The following NUP214 variants were observed in gnomAD, a reference collection of about 807,000 sequenced individuals.
NUP214 encodes the protein nucleoporin 214, also known as nuclear pore complex protein Nup214.
A neutral mutation model predicts 196.2 loss-of-function variants in NUP214; 79 were observed. The ratio of observed to expected loss-of-function variants is 0.40; its 90% CI spans 0.34 to 0.49. The LOEUF (loss-of-function observed/expected upper bound fraction) is 0.49. Ranked by LOEUF, NUP214 falls within the 20% of genes least tolerant of loss-of-function variation. The pLI is 0.58. For missense variants in NUP214, 2,468 were observed against 2,539.0 expected (o/e 0.97, Z 0.60); for synonymous variants, 1,020 against 990.5 (o/e 1.03, Z -0.56).
chr9:131,210,525 G>A (rs1324012267), intron 30 of NUP214, among the ~76,000 whole-genome samples: 1 of 152,012 alleles, frequency 6.6e-6, no homozygotes, highest in African/African-American at 2.4e-5. Flanking sequence ...TACTCGGGAG[G>A]TTGAGGCAGG....
intron 32 of NUP214, among the ~76,000 whole-genome samples, chr9:131,224,607 T>G (rs1439712355): frequency 1.3e-5 from 2 of 152,214 alleles, no homozygotes; most frequent in African/African-American, 4.8e-5. Flanking sequence ...GAGTCTCATA[T>G]TTAGAGCCTA....
Position 131,192,213 on chromosome 9 carries a change from G to T in NUP214, c.3580G>T (p.Ala1194Ser), listed in dbSNP as rs1392021175. ...LSSGDKASGT[A>S]KIETAVTSTP... ...TTTTTTTTCCATAATTTCAGGGACA[G>T]CCAAGATAGAAACAGCTGTGACTTC... is the stretch of plus-strand genomic sequence containing the variant. The change falls in exon 27 of 36, where the codon GCC becomes TCC. Residue 1194 changes from alanine to serine, a missense_variant. Transcript: ENST00000359428. The T allele has an allele frequency of 3.2e-5, 19 of 594,882 alleles. No individual in the cohort carries two copies. Among genetic ancestry groups the T allele is most frequent in the Non-Finnish European group, 4.9e-5 (18 of 366,144 alleles). 36.9% of individuals were successfully genotyped at this position (594,882 alleles called of 1,614,324 possible).
intron 13 of NUP214, among the ~76,000 whole-genome samples, chr9:131,147,178 A>C (rs554819944): frequency 6.6e-6 from 1 of 151,734 alleles, no homozygotes; most frequent in Non-Finnish European, 1.5e-5. Flanking sequence ...TGTAGAGACA[A>C]AGTCTTGCCA....
intron 30 of NUP214, among the ~76,000 whole-genome samples, chr9:131,214,071 G>A (rs868487848): frequency 3.5e-4 from 53 of 152,114 alleles, no homozygotes; most frequent in African/African-American, 1.2e-3. Flanking sequence ...GACCAGCTAA[G>A]TTGTTGCATA....
chr9:131,170,164 A>G (rs1487290101), intron 21 of NUP214, among the ~76,000 whole-genome samples: 1 of 152,152 alleles, frequency 6.6e-6, no homozygotes, highest in East Asian at 1.9e-4. Context: ...ATTTTATGTC[A>G]TGTATATTTT....
chr9:131,205,858 T>C (rs1334871393), intron 30 of NUP214, among the ~76,000 whole-genome samples: 1 of 152,064 alleles, frequency 6.6e-6, no homozygotes, highest in East Asian at 1.9e-4. Flanking sequence ...AATTTTTGTA[T>C]TTTTAGTAGA....
intron 6 of NUP214, 29 bp from the exon 7 acceptor site, chr9:131,133,077 T>G: frequency 5.8e-4 from 866 of 1,501,960 alleles, no homozygotes; most frequent in Non-Finnish European, 7.3e-4. Context: ...GTCATTTTTA[T>G]GAGCTACTGA....
At chr9:131,187,169 A>G (rs1312632316) in intron 24 of NUP214, 120 bp from the exon 25 acceptor site, 2 of 751,474 alleles carry the variant, frequency 2.7e-6, no homozygotes, top group African/African-American at 3.5e-5. Context: ...TTGGGGTCCC[A>G]TGCATCTGTA....
At chr9:131,141,455 T>A (rs1389710229) in intron 11 of NUP214, among the ~76,000 whole-genome samples, 2 of 151,902 alleles carry the variant, frequency 1.3e-5, no homozygotes, top group Non-Finnish European at 2.9e-5. Flanking sequence ...TACAGTGACA[T>A]TTGTATCACT....
Position 131,198,642 on chromosome 9 carries a change from A to C in NUP214, c.5148A>C (p.Thr1716=), listed in dbSNP as rs754211143. The part of the protein sequence containing the change: ...SGFSSPAFGT[T]APGVFGQTTF... ...TTAGCAGCCCAGCTTTTGGTACCAC[A>C]GCCCCAGGGGTCTTTGGACAGACAA... Residue 1716 remains threonine, a synonymous_variant, in exon 29 of 36, where the codon ACA becomes ACC. Coordinates refer to ENST00000359428, the MANE Select transcript of NUP214 (RefSeq NM_005085.4). 26 of 1,614,128 alleles carry C rather than the reference A, an allele frequency of 1.6e-5. No individual in the cohort carries two copies. Among genetic ancestry groups the C allele is most frequent in the Non-Finnish European group, 2.0e-5 (24 of 1,180,050 alleles).
rs776002044 is a variant in NUP214 at position 131,125,586 on chromosome 9, G to A, written c.-119G>A. 1,307 of 1,547,118 alleles carry A rather than the reference G, an allele frequency of 8.4e-4. No homozygotes were observed. The highest frequency in any genetic ancestry group is 1.1e-3 in the Non-Finnish European group (1,256 of 1,144,694). ...CGTCACCAAAGCGCGCCGGAAATGC[G>A]AGGTCAACTGCGCGCCGCTGGCGCT... On this transcript the variant is annotated 5_prime_UTR_variant, in exon 1 of 36. Coordinates refer to ENST00000359428, the MANE Select transcript of NUP214 (RefSeq NM_005085.4). The surrounding 1 kb of genome is among the most constrained non-coding windows in gnomAD (Gnocchi z 4.1).
Position 131,150,787 on chromosome 9 carries a change from T to C in NUP214, c.2277+22T>C, listed in dbSNP as rs199884043. ...AGAGGTTTGTGTTTATGGATACTTTTCCTGAGTTGAATTGCATTTAACAAT... is the reference window on the plus strand; with the variant it reads ...AGAGGTTTGTGTTTATGGATACTTTCCCTGAGTTGAATTGCATTTAACAAT... On this transcript the variant is annotated intron_variant, in intron 16 of 35. Transcript: ENST00000359428. 4.8e-5 allele frequency: 76 copies of C among 1,593,760 alleles called. No homozygotes were observed. The East Asian group carries it at 1.6e-3, about 33-fold the overall frequency.
chr9:131,222,304 T>A (rs1751654), intron 31 of NUP214, among the ~76,000 whole-genome samples: 148,507 of 152,344 alleles, frequency 0.97, 72,520 homozygotes, highest in East Asian at 1. Context: ...AGAAGCCATT[T>A]TGCCTGGGTT....
chr9:131,169,221 G>A lies in NUP214; in HGVS notation c.2894-4834G>A, dbSNP rs1045653792. ...CTAATTTTTTTGTATTTTTAGTAGA[G>A]ATGGGGGTTTCACCGTGTTGGCCAG... On this transcript the variant is annotated intron_variant, in intron 21 of 35. Transcript: ENST00000359428. Among the ~76,000 whole-genome samples the A allele has an allele frequency of 2.6e-5, 4 of 151,888 alleles. No individual in the cohort carries two copies. In the East Asian group the frequency reaches 7.7e-4, roughly 29 times the overall value.
chr9:131,182,748 A>T (rs1043953266), intron 24 of NUP214, among the ~76,000 whole-genome samples: 1 of 152,184 alleles, frequency 6.6e-6, no homozygotes, highest in Non-Finnish European at 1.5e-5. Flanking sequence ...TAAATCTGTT[A>T]TATAGCTATT....
At chr9:131,137,320 A>G (rs1831759999) in intron 9 of NUP214, among the ~76,000 whole-genome samples, 1 of 152,190 alleles carries the variant, frequency 6.6e-6, no homozygotes, top group African/African-American at 2.4e-5. Flanking sequence ...TTTAATTTGT[A>G]AACATTTTCT....
At chr9:131,178,244 A>G in intron 23 of NUP214, 67 bp from the exon 24 acceptor site, 1 of 1,263,212 alleles carries the variant, frequency 7.9e-7, no homozygotes, top group African/African-American at 1.5e-5. Context: ...TTTCATTTAT[A>G]TGTGGCTAGA....
intron 34 of NUP214, among the ~76,000 whole-genome samples, chr9:131,231,912 CAAAAAAAAAAAAA>C (rs900440054): frequency 2.3e-5 from 1 of 43,958 alleles, no homozygotes; most frequent in African/African-American, 7.6e-5. Flanking sequence ...ACAACAACAG[CAAAAAAAAAAAAA>C]AAAAAAAAAG....
intron 21 of NUP214, among the ~76,000 whole-genome samples, chr9:131,173,725 T>C (rs1163812825): frequency 6.6e-6 from 1 of 152,090 alleles, no homozygotes; most frequent in African/African-American, 2.4e-5. Context: ...AACTTGCCTG[T>C]TACATTTCTA....
Sources: allele counts gnomAD v4.1 joint callset (sites outside exome capture counted in the v4.1 genomes callset), GRCh38; gene constraint gnomAD v4.1.1; non-coding constraint Gnocchi (gnomAD v3.1); transcripts MANE v1.5; gene names NCBI Gene and HGNC (gene_info 2026-07-23, HGNC 2026-07-21).